STEAP2: variants seen among roughly 807,000 people sequenced by gnomAD.
STEAP2 encodes STEAP2 metalloreductase, also known as metalloreductase STEAP2.
Under a neutral mutation model 46.4 loss-of-function variants are expected in STEAP2, and 30 were observed. That is an observed-to-expected ratio of 0.65 (90% CI 0.48 to 0.88). The LOEUF (loss-of-function observed/expected upper bound fraction) is 0.88. STEAP2 is among the 40% of genes least tolerant of loss of function. The pLI is 0.00. For synonymous variants in STEAP2, 180 were observed against 200.5 expected (o/e 0.90, Z 0.86); for missense variants, 513 against 579.3 (o/e 0.89, Z 1.18).
chr7:90,237,029 G>A lies in STEAP2; in HGVS notation c.*4405G>A. The A allele has an allele frequency of 1.3e-6, 2 of 1,495,270 alleles. No homozygotes were observed. The highest frequency in any genetic ancestry group is 2.3e-5 in the East Asian group (1 of 43,678). The allele number at this position is 1,495,270 out of a possible 1,614,324, so 92.6% of individuals were successfully genotyped here. Reference sequence around the variant, plus strand: ...TTAGGTGTACATGTGACTGAGTGTTGGCCAGTGAGATGAAGTCTCCTCAAA... The same window carrying A: ...TTAGGTGTACATGTGACTGAGTGTTAGCCAGTGAGATGAAGTCTCCTCAAA... On this transcript the variant is annotated 3_prime_UTR_variant, in exon 6 of 6. Transcript: ENST00000394621.
chr7:90,227,010 G>A lies in STEAP2; in HGVS notation c.532G>A (p.Val178Ile). The A allele has an allele frequency of 1.2e-6, 2 of 1,609,982 alleles. No homozygotes were observed. The highest frequency in any genetic ancestry group is 1.7e-6 in the Non-Finnish European group (2 of 1,178,598). The change falls in exon 4 of 6, where the codon GTT (valine) becomes ATT (isoleucine). Residue 178 changes from valine (V) to isoleucine (I), a missense_variant. Val to Ile is a conservative substitution (Grantham distance 29). Transcript: ENST00000394621. ...CSNNIQARQQ[V>I]IELARQLNFI... is the part of the protein sequence containing the mutation. Reference sequence around the variant, plus strand: ...CAACAATATTCAAGCGCGACAACAGGTTATTGAACTTGCCCGCCAGTTGAA... The same window carrying A: ...CAACAATATTCAAGCGCGACAACAGATTATTGAACTTGCCCGCCAGTTGAA...
Position 90,211,845 on chromosome 7 carries a change from C to CGAA in STEAP2, c.-347_-346insGAA, listed in dbSNP as rs1562797823. On this transcript the variant is annotated 5_prime_UTR_variant, in exon 1 of 6. Coordinates refer to ENST00000394621, the MANE Select transcript of STEAP2 (RefSeq NM_001244944.2). ...TCCGCGCGCCTCCCTCCTTCCTTCT[C>CGAA]CCCTGGCTGTTCGCGATCCAGCTTG... is the stretch of plus-strand genomic sequence containing the variant. 6.6e-6 allele frequency: 1 copy of CGAA among 152,436 alleles called. No individual in the cohort carries two copies. The highest frequency in any genetic ancestry group is 1.5e-5 in the Non-Finnish European group (1 of 68,212). 9.4% of individuals were successfully genotyped at this position (152,436 alleles called of 1,614,324 possible).
intron 4 of STEAP2, among the ~76,000 whole-genome samples, chr7:90,228,249 C>G (rs1584243894): frequency 6.6e-6 from 1 of 152,166 alleles, no homozygotes; most frequent in South Asian, 2.1e-4. Flanking sequence ...AACATTGCAC[C>G]AAAACAAATG....
rs1795801344 is a variant in STEAP2 at position 90,232,530 on chromosome 7, GA to G, written c.1381del (p.Ile461LeufsTer29). 1 of 1,613,618 alleles carries G rather than the reference GA, an allele frequency of 6.2e-7. No individual in the cohort carries two copies. The highest frequency in any genetic ancestry group is 2.2e-5 in the East Asian group (1 of 44,870). ...FLPCISRKLK[R>X]IKKGWEKSQF... ...CCATGTATAAGCCGAAAGCTAAAAC[GA>G]ATTAAAAAAGGCTGGGAAAAGAGCC... On this transcript the variant is annotated frameshift_variant, in exon 6 of 6. Coordinates refer to ENST00000394621, the MANE Select transcript of STEAP2 (RefSeq NM_001244944.2).
At chr7:90,227,832 T>G (rs1359867625) in intron 4 of STEAP2, among the ~76,000 whole-genome samples, 1 of 152,052 alleles carries the variant, frequency 6.6e-6, no homozygotes, top group African/African-American at 2.4e-5. Flanking sequence ...TTGGCTGTGC[T>G]CCACAAAATG....
rs753542984 is a variant in STEAP2, at chr7:90,225,333, C to A, written c.251C>A (p.Thr84Lys). The A allele has an allele frequency of 1.9e-6, 3 of 1,613,894 alleles. No homozygotes were observed. The Admixed American group carries it at 5.0e-5, about 27-fold the overall frequency. Residue 84 changes from threonine to lysine, a missense_variant, in exon 3 of 6, where the codon ACA becomes AAA. Transcript: ENST00000394621. ...VDVTHHEDAL[T>K]KTNIIFVAIH... ...GTCACTCATCATGAAGATGCTCTCA[C>A]AAAAACAAATATAATATTTGTTGCT... is the stretch of plus-strand genomic sequence containing the variant.
chr7:90,220,229 T>C (rs1160238431), intron 2 of STEAP2, among the ~76,000 whole-genome samples: 1 of 152,208 alleles, frequency 6.6e-6, no homozygotes, highest in Non-Finnish European at 1.5e-5. Context: ...GTTTTGAAAG[T>C]TTGGTAGAAT....
At position 90,225,383 on chromosome 7, in the gene STEAP2, C is replaced by T. The variant is rs762082505; in HGVS notation, c.301C>T (p.Leu101=). ...TATACACAGAGAACATTATACCTCC[C>T]TGTGGGACCTGAGACATCTGCTTGT... ...VAIHREHYTS[L]WDLRHLLVGK... The change falls in exon 3 of 6, where the codon CTG becomes TTG. Residue 101 remains leucine (L), a synonymous_variant. Coordinates refer to ENST00000394621, the MANE Select transcript of STEAP2 (RefSeq NM_001244944.2). 15 of 1,613,834 alleles carry T rather than the reference C, an allele frequency of 9.3e-6. No homozygotes were observed. The highest frequency in any genetic ancestry group is 4.4e-5 in the South Asian group (4 of 91,056).
intron 2 of STEAP2, 28 bp from the exon 3 acceptor site, chr7:90,225,022 G>T: frequency 6.4e-7 from 1 of 1,557,564 alleles, no homozygotes; most frequent in Non-Finnish European, 8.7e-7. Flanking sequence ...ATAGGTAACT[G>T]ATGACCATTT....
chr7:90,235,865 A>G lies in STEAP2; in HGVS notation c.*3241A>G. 1 of 753,878 alleles carries G rather than the reference A, an allele frequency of 1.3e-6. No individual in the cohort carries two copies. The highest frequency in any genetic ancestry group is 1.6e-6 in the Non-Finnish European group (1 of 618,736). The allele number at this position is 753,878 out of a possible 1,614,324, so 46.7% of individuals were successfully genotyped here. On this transcript the variant is annotated 3_prime_UTR_variant, in exon 6 of 6. Transcript: ENST00000394621. ...TTAAAAGTATGAATAAAATATATTT[A>G]TAGGTATTTATCAGAGATGATTATT...
rs766138166 is a variant in STEAP2 at position 90,214,451 on chromosome 7, T to C, written c.-146-2040T>C. On this transcript the variant is annotated intron_variant, in intron 1 of 5. Transcript: ENST00000394621. The stretch of plus-strand genomic sequence containing the variant: ...AAAGGGAGGCTCTCCAGGACATAAG[T>C]GGATAGACTGGTCTTTGATAGGTAA... Among the ~76,000 whole-genome samples, 49 of 152,158 alleles carry C rather than the reference T, an allele frequency of 3.2e-4. 1 individual carries two copies. Among genetic ancestry groups the C allele is most frequent in the Non-Finnish European group, 1.6e-4 (11 of 68,010 alleles).
At chr7:90,228,355 T>G (rs561032392) in intron 4 of STEAP2, among the ~76,000 whole-genome samples, 27 of 151,428 alleles carry the variant, frequency 1.8e-4, no homozygotes, top group Non-Finnish European at 3.4e-4. Flanking sequence ...AAACCTAAAA[T>G]AATATTTTTC....
intron 2 of STEAP2, among the ~76,000 whole-genome samples, chr7:90,219,688 G>A (rs186623897): frequency 2.6e-5 from 4 of 152,108 alleles, no homozygotes; most frequent in Admixed American, 6.5e-5. Flanking sequence ...TTTTTTATGA[G>A]TTGTTAGATT....
chr7:90,241,335 C>T (rs139064938), downstream of STEAP2, among the ~76,000 whole-genome samples: 53 of 152,218 alleles, frequency 3.5e-4, no homozygotes, highest in African/African-American at 1.2e-3. Context: ...CTAGTAATGC[C>T]AGTGCAAGTA....
chr7:90,233,085 G>T lies in STEAP2; in HGVS notation c.*461G>T, dbSNP rs984251424. 1.0e-6 allele frequency: 1 copy of T among 984,594 alleles called. No individual in the cohort carries two copies. The highest frequency in any genetic ancestry group is 1.1e-4 in the East Asian group (1 of 8,842). The allele number at this position is 984,594 out of a possible 1,614,324, so 61.0% of individuals were successfully genotyped here. ...TATACATTTTTTTAAGAAAGGACAC[G>T]TTATGTTAGCATCTAGGTAAGGCTG... On this transcript the variant is annotated 3_prime_UTR_variant, in exon 6 of 6. Coordinates refer to ENST00000394621, the MANE Select transcript of STEAP2 (RefSeq NM_001244944.2).
At position 90,235,545 on chromosome 7, in the gene STEAP2, G is replaced by T; in HGVS notation, c.*2921G>T. The T allele has an allele frequency of 1.0e-6, 1 of 984,696 alleles. No homozygotes were observed. Among genetic ancestry groups the T allele is most frequent in the Middle Eastern group, 5.2e-4 (1 of 1,914 alleles). 61.0% of individuals were successfully genotyped at this position (984,696 alleles called of 1,614,324 possible). A position where few individuals can be genotyped will look rare whatever the true frequency, so the allele number is the denominator to read the frequency against. On this transcript the variant is annotated 3_prime_UTR_variant, in exon 6 of 6. Transcript: ENST00000394621. ...TAGAGCAGTGGAGATTTGCTACCTG[G>T]TCTGTGTTTTGAGAAGTGCCCCTTA...
chr7:90,234,011 G>A lies in STEAP2; in HGVS notation c.*1387G>A, dbSNP rs1795864838. Reference sequence around the variant, plus strand: ...CCTCCCTATGCAGTGAAGGGCCCTAGCAGTGTTAACAAATTGCTGAGATCC... The same window carrying A: ...CCTCCCTATGCAGTGAAGGGCCCTAACAGTGTTAACAAATTGCTGAGATCC... On this transcript the variant is annotated 3_prime_UTR_variant, in exon 6 of 6. Transcript: ENST00000394621. 1 of 985,358 alleles carries A rather than the reference G, an allele frequency of 1.0e-6. No homozygotes were observed. The highest frequency in any genetic ancestry group is 1.2e-6 in the Non-Finnish European group (1 of 829,924). The allele number at this position is 985,358 out of a possible 1,614,324, so 61.0% of individuals were successfully genotyped here.
rs919675512 is a variant in STEAP2 at position 90,237,294 on chromosome 7, T to C, written c.*4670T>C. On this transcript the variant is annotated 3_prime_UTR_variant, in exon 6 of 6. Coordinates refer to ENST00000394621, the MANE Select transcript of STEAP2 (RefSeq NM_001244944.2). ...TAATTCTTTCTGCCCTTCAGTTCTT[T>C]ATCCTGATACCATTTAACACTGTCT... is the stretch of plus-strand genomic sequence containing the variant. 10 of 239,292 alleles carry C rather than the reference T, an allele frequency of 4.2e-5. No homozygotes were observed. Among genetic ancestry groups the C allele is most frequent in the African/African-American group, 2.0e-4 (9 of 44,494 alleles). 14.8% of individuals were successfully genotyped at this position (239,292 alleles called of 1,614,324 possible). A position where few individuals can be genotyped will look rare whatever the true frequency, so the allele number is the denominator to read the frequency against.
intron 5 of STEAP2, among the ~76,000 whole-genome samples, chr7:90,231,746 A>T (rs1284481605): frequency 6.6e-6 from 1 of 152,088 alleles, no homozygotes; most frequent in Non-Finnish European, 1.5e-5. Flanking sequence ...ATACACACAC[A>T]CATACATACA....
Sources: allele counts gnomAD v4.1 joint callset (sites outside exome capture counted in the v4.1 genomes callset), GRCh38; gene constraint gnomAD v4.1.1; transcripts MANE v1.5; gene names NCBI Gene and HGNC (gene_info 2026-07-23, HGNC 2026-07-21).